Variants in IGSF11 observed in about 807,000 individuals in gnomAD.
IGSF11 encodes CXADR like 1.
Under a neutral mutation model 41.0 loss-of-function variants are expected in IGSF11, and 22 were observed. That is an observed-to-expected ratio of 0.54 (90% CI 0.38 to 0.77). The LOEUF (loss-of-function observed/expected upper bound fraction) is 0.77. IGSF11 is among the 30% of genes least tolerant of loss of function. The pLI, the probability that IGSF11 is intolerant of heterozygous loss-of-function variation, is 0.00. For synonymous variants in IGSF11, 219 were observed against 201.3 expected (o/e 1.09, Z -0.74); for missense variants, 444 against 530.8 (o/e 0.84, Z 1.61).
chr3:119,046,752 T>C (rs1450546387), intron 1 of IGSF11, among the ~76,000 whole-genome samples: 1 of 152,048 alleles, frequency 6.6e-6, no homozygotes, highest in Non-Finnish European at 1.5e-5. Flanking sequence ...GAGAGAAAGG[T>C]CTGGTTACCC....
Position 118,928,556 on chromosome 3 carries a change from G to A in IGSF11, c.377C>T (p.Pro126Leu), listed in dbSNP as rs1242830955. 1.9e-6 allele frequency: 3 copies of A among 1,613,724 alleles called. No individual in the cohort carries two copies. Among genetic ancestry groups the A allele is most frequent in the Non-Finnish European group, 2.5e-6 (3 of 1,179,982 alleles). Reference sequence around the variant, plus strand: ...CCCAATGTTCCTGCCCCCTATGTCTGGAAGGTTGTTGACCAGGCACTGGTA... The same window carrying A: ...CCCAATGTTCCTGCCCCCTATGTCTAGAAGGTTGTTGACCAGGCACTGGTA... ...GTYQCLVNNL[P>L]DIGGRNIGVT... Residue 126 changes from proline to leucine, a missense_variant, in exon 3 of 7, where the codon CCA becomes CTA. This residue lies in a region of IGSF11 where 193 missense variants were observed against 283.5 expected (regional missense o/e 0.68). Transcript: ENST00000393775.
At position 119,095,484 on chromosome 3, in the gene IGSF11, G is replaced by A. The variant is rs550708553; in HGVS notation, c.49+9660C>T. 1.2e-4 allele frequency among the ~76,000 whole-genome samples: 18 copies of A among 152,304 alleles called. No individual in the cohort carries two copies. In the South Asian group the frequency reaches 2.7e-3, roughly 23 times the overall value. ...TATCAGTTTACTTTCCCAAGGCAGA[G>A]TACAGTCAGGGATTATGAAGGGTCT... On this transcript the variant is annotated intron_variant, in intron 1 of 6. Coordinates refer to the IGSF11 transcript ENST00000354673.
upstream of IGSF11, among the ~76,000 whole-genome samples, chr3:119,109,613 A>T (rs1253006676): frequency 2.6e-5 from 4 of 151,756 alleles, no homozygotes; most frequent in African/African-American, 9.7e-5. Context: ...GATCTTAGTT[A>T]TTTCTTGCCT....
At chr3:118,936,078 G>GT (rs1340285591) in intron 1 of IGSF11, among the ~76,000 whole-genome samples, 24 of 151,932 alleles carry the variant, frequency 1.6e-4, no homozygotes, top group Non-Finnish European at 2.2e-4. Context: ...GGAAATGGGT[G>GT]TTTTTTTGCA....
At chr3:119,089,554 A>G (rs1339225779) in intron 1 of IGSF11, among the ~76,000 whole-genome samples, 2 of 152,186 alleles carry the variant, frequency 1.3e-5, no homozygotes, top group African/African-American at 4.8e-5. Flanking sequence ...CTCCTATACA[A>G]TATAGTACTG....
chr3:118,960,295 T>C (rs930219066), intron 1 of IGSF11, among the ~76,000 whole-genome samples: 32 of 152,172 alleles, frequency 2.1e-4, no homozygotes, highest in Middle Eastern at 3.2e-3. Flanking sequence ...TTACTTAAGA[T>C]GGTGAAATTT....
At chr3:119,040,446 T>C (rs560914193) in intron 1 of IGSF11, among the ~76,000 whole-genome samples, 2 of 152,160 alleles carry the variant, frequency 1.3e-5, no homozygotes, top group South Asian at 4.1e-4. Context: ...TTACTCTTTC[T>C]CTATTGCAAT....
chr3:119,071,001 T>C (rs1250952017), intron 1 of IGSF11, among the ~76,000 whole-genome samples: 2 of 152,204 alleles, frequency 1.3e-5, no homozygotes, highest in Non-Finnish European at 2.9e-5. Flanking sequence ...AATACCCATA[T>C]GAGTAGCACC....
rs1945516487 is a variant in IGSF11, at chr3:118,964,109, C to A, written c.53-33834G>T. 2.0e-5 allele frequency among the ~76,000 whole-genome samples: 3 copies of A among 152,182 alleles called. No individual in the cohort carries two copies. In the South Asian group the frequency reaches 6.2e-4, roughly 32 times the overall value. ...CCCCAAAGTCTAAAGGATCTGCTCA[C>A]TTCACCTGAGTTCTTTCACAGTTAT... is the stretch of plus-strand genomic sequence containing the variant. On this transcript the variant is annotated intron_variant, in intron 1 of 6. Transcript: ENST00000393775.
intron 1 of IGSF11, among the ~76,000 whole-genome samples, chr3:118,942,298 C>T (rs781619833): frequency 6.6e-5 from 10 of 152,142 alleles, no homozygotes; most frequent in African/African-American, 2.4e-4. Context: ...TCCCTGTCAC[C>T]AAACCCCAAA....
intron 1 of IGSF11, among the ~76,000 whole-genome samples, chr3:118,968,652 T>C (rs1932995811): frequency 1.3e-5 from 2 of 152,214 alleles, no homozygotes; most frequent in Admixed American, 1.3e-4. Flanking sequence ...TCTCTTTATC[T>C]CTTCGATAAC....
chr3:119,037,992 C>T (rs1940977861), upstream of IGSF11, among the ~76,000 whole-genome samples: 1 of 151,980 alleles, frequency 6.6e-6, no homozygotes, highest in Admixed American at 6.6e-5. Context: ...TTAGGAAAAA[C>T]CTGTTTGATC....
chr3:119,140,522 T>C (rs747973788), intron 1 of IGSF11, among the ~76,000 whole-genome samples: 1 of 152,166 alleles, frequency 6.6e-6, no homozygotes, highest in African/African-American at 2.4e-5. Flanking sequence ...AAGAATATAG[T>C]TGGAGATGTC....
At chr3:119,112,399 A>G (rs572799077) in intron 1 of IGSF11, among the ~76,000 whole-genome samples, 5 of 152,300 alleles carry the variant, frequency 3.3e-5, no homozygotes, top group African/African-American at 1.2e-4. Context: ...CCTCCGAGCC[A>G]TGTGCGGGAT....
intron 1 of IGSF11, among the ~76,000 whole-genome samples, chr3:118,934,500 C>A (rs1943093566): frequency 6.6e-6 from 1 of 152,202 alleles, no homozygotes; most frequent in Admixed American, 6.5e-5. Flanking sequence ...TATCTCCCTA[C>A]AGAATTTCAC....
At chr3:119,053,848 C>T (rs1470240471) in intron 1 of IGSF11, among the ~76,000 whole-genome samples, 1 of 151,974 alleles carries the variant, frequency 6.6e-6, no homozygotes, top group Non-Finnish European at 1.5e-5. Flanking sequence ...AAAAGAGAAC[C>T]CAGAAATAAA....
chr3:119,040,586 CT>C (rs1941082109), intron 1 of IGSF11, among the ~76,000 whole-genome samples: 1 of 152,104 alleles, frequency 6.6e-6, no homozygotes, highest in Admixed American at 6.5e-5. Flanking sequence ...TGTATTTTTT[CT>C]TAGTATTCTG....
chr3:119,042,654 G>T (rs1005655150), intron 1 of IGSF11, among the ~76,000 whole-genome samples: 3 of 152,136 alleles, frequency 2.0e-5, no homozygotes, highest in African/African-American at 7.2e-5. Context: ...CTGCCTAACA[G>T]TGCCCACACC....
chr3:119,134,743 T>A (rs1225373980), intron 1 of IGSF11, among the ~76,000 whole-genome samples: 1 of 152,140 alleles, frequency 6.6e-6, no homozygotes, highest in Non-Finnish European at 1.5e-5. Flanking sequence ...AGAGTCCACA[T>A]AGCCAAGACA....
Sources: allele counts gnomAD v4.1 joint callset (sites outside exome capture counted in the v4.1 genomes callset), GRCh38; gene constraint gnomAD v4.1.1; regional missense constraint gnomAD v4.1.1; transcripts MANE v1.5; gene names NCBI Gene and HGNC (gene_info 2026-07-23, HGNC 2026-07-21).